PSMC2: variants seen among roughly 807,000 people sequenced by gnomAD.
PSMC2 encodes 26S proteasome regulatory subunit 7.
Under a neutral mutation model 53.3 loss-of-function variants are expected in PSMC2, and 7 were observed. The ratio of observed to expected loss-of-function variants is 0.13; its 90% CI spans 0.07 to 0.25. The LOEUF (loss-of-function observed/expected upper bound fraction) is 0.25, where lower values mean the gene tolerates loss of function less well. PSMC2 is among the 10% of genes least tolerant of loss of function. The pLI, the probability that PSMC2 is intolerant of heterozygous loss-of-function variation, is 1.00. For synonymous variants in PSMC2, 169 were observed against 183.9 expected, an observed-to-expected ratio of 0.92 and a Z score of 0.66; for missense variants, 241 against 544.0, an observed-to-expected ratio of 0.44 and a Z score of 5.54.
At position 103,353,912 on chromosome 7, in the gene PSMC2, T is replaced by G; in HGVS notation, c.71-9T>G. 2 of 1,602,556 alleles carry G rather than the reference T, an allele frequency of 1.2e-6. No homozygotes were observed. Among genetic ancestry groups the G allele is most frequent in the Non-Finnish European group, 1.7e-6 (2 of 1,172,864 alleles). ...TTTTGAATCTCACGTATTGTCTCTC[T>G]TCTTTCAGCTCTGGATGAGGGGGAT... is the stretch of plus-strand genomic sequence containing the variant. On this transcript the variant is annotated splice_polypyrimidine_tract_variant and intron_variant, in intron 1 of 11. Coordinates refer to ENST00000292644, the MANE Select transcript of PSMC2 (RefSeq NM_002803.4).
chr7:103,361,852 C>A (rs954945689), intron 4 of PSMC2, 105 bp from the exon 5 acceptor site: 3 of 1,110,412 alleles, frequency 2.7e-6, no homozygotes, highest in African/African-American at 3.2e-5. Flanking sequence ...TTCTGTAGTT[C>A]TAGTTTATAC....
upstream of PSMC2, chr7:103,347,600 G>A: frequency 8.0e-7 from 1 of 1,249,664 alleles, no homozygotes. Flanking sequence ...GCATAAAGGG[G>A]TCTGTCTGAG....
Position 103,367,620 on chromosome 7 carries a change from G to C in PSMC2, c.1047+5G>C. 1 of 1,613,190 alleles carries C rather than the reference G, an allele frequency of 6.2e-7. No individual in the cohort carries two copies. The highest frequency in any genetic ancestry group is 8.5e-7 in the Non-Finnish European group (1 of 1,179,560). ...TTTAGCTTGCCCGATCTAGAGGTAA[G>C]AAAACCATTTCATTTTAGGAAAGGG... On this transcript the variant is annotated splice_donor_5th_base_variant and intron_variant, in intron 10 of 11. Coordinates refer to ENST00000292644, the MANE Select transcript of PSMC2 (RefSeq NM_002803.4). This position sits in a 1 kb window ranked among gnomAD's most constrained non-coding sequence, Gnocchi z 6.1.
At position 103,368,998 on chromosome 7, in the gene PSMC2, C is replaced by T. The variant is rs1047187741; in HGVS notation, c.*944C>T. The T allele has an allele frequency of 2.6e-5, 4 of 152,130 alleles. No homozygotes were observed. The highest frequency in any genetic ancestry group is 9.7e-5 in the African/African-American group (4 of 41,410). 9.4% of individuals were successfully genotyped at this position (152,130 alleles called of 1,614,324 possible). ...CTTCTACCACAATTACCCCTTCCCCCAATGCCAAGACCAAAGCACAATAAT... is the reference window on the plus strand; with the variant it reads ...CTTCTACCACAATTACCCCTTCCCCTAATGCCAAGACCAAAGCACAATAAT... On this transcript the variant is annotated 3_prime_UTR_variant, in exon 12 of 12. Transcript: ENST00000292644.
chr7:103,364,020 T>A, intron 7 of PSMC2, 123 bp from the exon 8 acceptor site: 4 of 909,394 alleles, frequency 4.4e-6, no homozygotes, highest in Non-Finnish European at 6.5e-6. Flanking sequence ...TAATTTTGAT[T>A]TAAATATTAA....
Position 103,364,274 on chromosome 7 carries a change from T to C in PSMC2, c.723T>C (p.Ile241=), listed in dbSNP as rs1490293258. 2 of 1,614,120 alleles carry C rather than the reference T, an allele frequency of 1.2e-6. No individual in the cohort carries two copies. The highest frequency in any genetic ancestry group is 1.7e-5 in the Admixed American group (1 of 60,002). The part of the protein sequence containing the change: ...NRTDACFIRV[I]GSELVQKYVG... ...CTGATGCGTGCTTCATTCGAGTTATTGGATCTGAGCTTGTACAGAAATACG... is the reference window on the plus strand; with the variant it reads ...CTGATGCGTGCTTCATTCGAGTTATCGGATCTGAGCTTGTACAGAAATACG... Residue 241 remains isoleucine (I), a synonymous_variant, in exon 8 of 12, where the codon ATT becomes ATC. Transcript: ENST00000292644.
intron 4 of PSMC2, among the ~76,000 whole-genome samples, chr7:103,359,463 C>G (rs919012986): frequency 1.3e-5 from 2 of 152,040 alleles, no homozygotes; most frequent in African/African-American, 2.4e-5. Flanking sequence ...ACCCCAAAAA[C>G]AAACCCAATA....
intron 5 of PSMC2, 77 bp from the exon 6 acceptor site, chr7:103,362,609 G>A: frequency 1.4e-6 from 2 of 1,472,068 alleles, no homozygotes; most frequent in South Asian, 1.2e-5. Flanking sequence ...GTATGGTTTT[G>A]GGGATAAAGG....
intron 9 of PSMC2, among the ~76,000 whole-genome samples, 156 bp downstream of exon 9, chr7:103,366,319 T>C (rs1820716667): frequency 6.6e-6 from 1 of 152,264 alleles, no homozygotes; most frequent in Non-Finnish European, 1.5e-5. Flanking sequence ...GTAGTAGTGC[T>C]AAACTATAAA....
In PSMC2 at chr7:103,366,135, C is replaced by T. The variant is rs770706304; in HGVS notation, c.816C>T (p.Ile272=). The change falls in exon 9 of 12, where the codon ATC becomes ATT. Residue 272 remains isoleucine, a synonymous_variant. Transcript: ENST00000292644. ...EMARTKKACL[I]FFDEIDAIGG... ...CCAGAACAAAAAAAGCCTGCCTTAT[C>T]TTCTTTGATGAAATTGATGCTATTG... is the stretch of plus-strand genomic sequence containing the variant. 2 of 1,613,792 alleles carry T rather than the reference C, an allele frequency of 1.2e-6. No individual in the cohort carries two copies. Among genetic ancestry groups the T allele is most frequent in the Non-Finnish European group, 1.7e-6 (2 of 1,179,772 alleles).
chr7:103,361,045 C>G (rs947586322), intron 4 of PSMC2, among the ~76,000 whole-genome samples: 1 of 150,052 alleles, frequency 6.7e-6, no homozygotes, highest in Non-Finnish European at 1.5e-5. Flanking sequence ...ACCCAGGAGG[C>G]GGAGATTGTA....
chr7:103,348,788 G>A, intron 1 of PSMC2: 1 of 904,736 alleles, frequency 1.1e-6, no homozygotes, highest in Non-Finnish European at 1.8e-6. Flanking sequence ...TTCCTTCAAA[G>A]GATTATCCAA....
Position 103,355,800 on chromosome 7 carries a change from A to C in PSMC2, c.290+7A>C, listed in dbSNP as rs777282950. 1 of 1,598,726 alleles carries C rather than the reference A, an allele frequency of 6.3e-7. No homozygotes were observed. On this transcript the variant is annotated splice_region_variant and intron_variant, in intron 4 of 11. Coordinates refer to ENST00000292644, the MANE Select transcript of PSMC2 (RefSeq NM_002803.4). ...AGCCTTTACAGGTTGCCAGGTATGC[A>C]CGGGTGCTCTGTGGCAACTTACCTT...
chr7:103,368,152 T>A lies in PSMC2; in HGVS notation c.*98T>A. 9.2e-7 allele frequency: 1 copy of A among 1,085,420 alleles called. No homozygotes were observed. Among genetic ancestry groups the A allele is most frequent in the Non-Finnish European group, 1.3e-6 (1 of 779,316 alleles). The allele number at this position is 1,085,420 out of a possible 1,614,324, so 67.2% of individuals were successfully genotyped here. A position where few individuals can be genotyped will look rare whatever the true frequency, so the allele number is the denominator to read the frequency against. ...ATAAACAAATAAATGGCTTCAAAAT[T>A]GTATGCTTTTTTCCATATCTCTTCT... On this transcript the variant is annotated 3_prime_UTR_variant, in exon 12 of 12. Transcript: ENST00000292644.
chr7:103,352,765 A>C, intron 1 of PSMC2: 1 of 752,550 alleles, frequency 1.3e-6, no homozygotes, highest in Non-Finnish European at 2.5e-6. Flanking sequence ...CAAAAGAGAA[A>C]ACAAAGTTCA....
intron 8 of PSMC2, among the ~76,000 whole-genome samples, chr7:103,365,333 TAAA>T (rs34723912): frequency 1.4e-4 from 21 of 152,146 alleles, no homozygotes; most frequent in African/African-American, 5.1e-4. Flanking sequence ...CAGTCTTTTT[TAAA>T]AAAAGTTTAG....
intron 4 of PSMC2, 78 bp downstream of exon 4, chr7:103,355,871 C>T: frequency 2.1e-6 from 2 of 942,316 alleles, no homozygotes; most frequent in Non-Finnish European, 3.1e-6. Flanking sequence ...AGGGATAATG[C>T]AATAGTTCAT....
At position 103,362,220 on chromosome 7, in the gene PSMC2, T is replaced by C. The variant is rs1012754530; in HGVS notation, c.422+132T>C. Reference sequence around the variant, plus strand: ...CAAAGGATGATCTAGTAATGTACTATAGTTGAAAATTCTGTCTTCTGCATC... The same window carrying C: ...CAAAGGATGATCTAGTAATGTACTACAGTTGAAAATTCTGTCTTCTGCATC... On this transcript the variant is annotated intron_variant, in intron 5 of 11. Transcript: ENST00000292644. 5.4e-6 allele frequency: 8 copies of C among 1,474,234 alleles called. No homozygotes were observed. In the Middle Eastern group the frequency reaches 6.6e-4, roughly 121 times the overall value. 91.3% of individuals were successfully genotyped at this position (1,474,234 alleles called of 1,614,324 possible). A position where few individuals can be genotyped will look rare whatever the true frequency, so the allele number is the denominator to read the frequency against.
rs769831580 is a variant in PSMC2, at chr7:103,366,056, T to G, written c.757-20T>G. On this transcript the variant is annotated intron_variant, in intron 8 of 11. Transcript: ENST00000292644. ...TATTTTGAAACCAATTTTGAATTAATAAATCATTTTTCTCATTAGGGGGCT... is the reference window on the plus strand; with the variant it reads ...TATTTTGAAACCAATTTTGAATTAAGAAATCATTTTTCTCATTAGGGGGCT... 5 of 1,581,940 alleles carry G rather than the reference T, an allele frequency of 3.2e-6. No individual in the cohort carries two copies. In the Admixed American group the frequency reaches 9.2e-5, roughly 29 times the overall value.
Sources: allele counts gnomAD v4.1 joint callset (sites outside exome capture counted in the v4.1 genomes callset), GRCh38; gene constraint gnomAD v4.1.1; non-coding constraint Gnocchi (gnomAD v3.1); transcripts MANE v1.5; gene names NCBI Gene and HGNC (gene_info 2026-07-23, HGNC 2026-07-21).